DGKD: variants seen among roughly 807,000 people sequenced by gnomAD.
DGKD encodes DAG kinase delta.
Under a neutral mutation model 154.4 loss-of-function variants are expected in DGKD, and 68 were observed. The observed-to-expected ratio is 0.44, with a 90% confidence interval of 0.36 to 0.54. The LOEUF (loss-of-function observed/expected upper bound fraction) is 0.54. Among genes scored for constraint, DGKD ranks in the 20% least tolerant of loss-of-function variants. The pLI is 0.00. For synonymous variants in DGKD, 693 were observed against 638.0 expected, an observed-to-expected ratio of 1.09 and a Z score of -1.30; for missense variants, 1,343 against 1,593.6, an observed-to-expected ratio of 0.84 and a Z score of 2.68.
chr2:233,361,323 G>A (rs975466926), intron 1 of DGKD, among the ~76,000 whole-genome samples: 1 of 152,186 alleles, frequency 6.6e-6, no homozygotes, highest in South Asian at 2.1e-4. Context: ...GTGTACTAGT[G>A]TCTCTAGATT....
rs1209460271 is a variant in DGKD, at chr2:233,458,228, C to T, written c.2581-56C>T. On this transcript the variant is annotated intron_variant, in intron 21 of 29. Transcript: ENST00000264057. This position sits in a 1 kb window ranked among gnomAD's most constrained non-coding sequence, Gnocchi z 6.6. The stretch of plus-strand genomic sequence containing the variant: ...CAGAGGGAGGGAGTGAGGGTAGGGG[C>T]GGCCTGTGCTCGGGGATGTGTGGAG... 1.1e-5 allele frequency: 13 copies of T among 1,192,058 alleles called. No individual in the cohort carries two copies. Among genetic ancestry groups the T allele is most frequent in the South Asian group, 3.9e-5 (3 of 76,424 alleles). 73.8% of individuals were successfully genotyped at this position (1,192,058 alleles called of 1,614,324 possible).
At position 233,450,920 on chromosome 2, in the gene DGKD, A is replaced by G. The variant is rs1256972878; in HGVS notation, c.2039-2A>G. On this transcript the variant is annotated splice_acceptor_variant, in intron 16 of 29. Transcript: ENST00000264057. LOFTEE classifies it high-confidence loss of function. ...GTAAGGTTTTCTGCTGTGTTGTTAC[A>G]GTGTCGAAATCTCCGTGTGAAAAGC... The G allele has an allele frequency of 1.3e-6, 2 of 1,597,500 alleles. No homozygotes were observed. The highest frequency in any genetic ancestry group is 1.7e-5 in the Admixed American group (1 of 59,770).
intron 1 of DGKD, among the ~76,000 whole-genome samples, chr2:233,384,632 C>A (rs115434616): frequency 6.6e-6 from 1 of 152,110 alleles, no homozygotes; most frequent in African/African-American, 2.4e-5. Flanking sequence ...TCGCCTCGGT[C>A]GATTCTCACA....
chr2:233,425,115 A>G (rs2062248959), intron 3 of DGKD, among the ~76,000 whole-genome samples: 1 of 152,148 alleles, frequency 6.6e-6, no homozygotes, highest in South Asian at 2.1e-4. Context: ...AGAAGCCAAA[A>G]TTGTTCTTTC....
intron 1 of DGKD, among the ~76,000 whole-genome samples, chr2:233,375,286 G>T (rs757089616): frequency 1.3e-5 from 2 of 151,766 alleles, no homozygotes; most frequent in African/African-American, 2.4e-5. Context: ...ATGAGACTCT[G>T]TCTCAAAAAA....
intron 3 of DGKD, among the ~76,000 whole-genome samples, chr2:233,421,763 C>T (rs1023463255): frequency 4.6e-5 from 7 of 152,250 alleles, no homozygotes; most frequent in African/African-American, 1.2e-4. Flanking sequence ...TCACCAGCTA[C>T]TACTCTCCAT....
intron 1 of DGKD, among the ~76,000 whole-genome samples, chr2:233,369,408 A>G (rs550009781): frequency 3.3e-5 from 5 of 152,230 alleles, no homozygotes; most frequent in East Asian, 3.9e-4. Context: ...ATTTCAACCT[A>G]TTCTCATTTT....
intron 8 of DGKD, among the ~76,000 whole-genome samples, chr2:233,437,938 G>T (rs1480903200): frequency 6.6e-6 from 1 of 152,216 alleles, no homozygotes; most frequent in African/African-American, 2.4e-5. Flanking sequence ...GTGGAAAGGG[G>T]GATGTGGGGT....
At chr2:233,369,968 G>A (rs1012986196) in intron 1 of DGKD, among the ~76,000 whole-genome samples, 1 of 152,166 alleles carries the variant, frequency 6.6e-6, no homozygotes, top group Non-Finnish European at 1.5e-5. Context: ...AATGATGGAA[G>A]AGGGACACTC....
At chr2:233,389,813 AC>A (rs1015525141) in intron 2 of DGKD, among the ~76,000 whole-genome samples, 3 of 151,954 alleles carry the variant, frequency 2.0e-5, no homozygotes, top group Non-Finnish European at 2.9e-5. Flanking sequence ...CCCAGGCCTG[AC>A]TCCCAGCCCT....
chr2:233,421,277 G>C (rs568604411), intron 3 of DGKD, among the ~76,000 whole-genome samples: 1 of 152,080 alleles, frequency 6.6e-6, no homozygotes, highest in Non-Finnish European at 1.5e-5. Context: ...CCAGCTGCTC[G>C]GAGGTCACTG....
Position 233,457,331 on chromosome 2 carries a change from A to T in DGKD, c.2580+3A>T. Reference sequence around the variant, plus strand: ...GGGGGGGTACCAAGGAAGATGATGTATGTATGGGGTGTGAGCGGGTGGGCC... The same window carrying T: ...GGGGGGGTACCAAGGAAGATGATGTTTGTATGGGGTGTGAGCGGGTGGGCC... On this transcript the variant is annotated splice_donor_region_variant and intron_variant, in intron 21 of 29. Transcript: ENST00000264057. This position sits in a 1 kb window ranked among gnomAD's most constrained non-coding sequence, Gnocchi z 5.5. 6.4e-7 allele frequency: 1 copy of T among 1,555,194 alleles called. No individual in the cohort carries two copies.
In DGKD at chr2:233,457,936, C is replaced by T. The variant is rs768075353; in HGVS notation, c.2581-348C>T. 1.8e-5 allele frequency: 6 copies of T among 337,994 alleles called. No homozygotes were observed. Among genetic ancestry groups the T allele is most frequent in the East Asian group, 6.2e-5 (1 of 16,208 alleles). The allele number at this position is 337,994 out of a possible 1,614,324, so 20.9% of individuals were successfully genotyped here. On this transcript the variant is annotated intron_variant, in intron 21 of 29. Coordinates refer to ENST00000264057, the MANE Select transcript of DGKD (RefSeq NM_152879.3). The surrounding 1 kb of genome is among the most constrained non-coding windows in gnomAD (Gnocchi z 5.5). ...CGTAATAGCGAATAGAAGTATTCAGCGCTTCCTGCACACGTGGTGTGTGCT... is the reference window on the plus strand; with the variant it reads ...CGTAATAGCGAATAGAAGTATTCAGTGCTTCCTGCACACGTGGTGTGTGCT...
In DGKD at chr2:233,452,862, C is replaced by T. The variant is rs906152143; in HGVS notation, c.2264+802C>T. Among the ~76,000 whole-genome samples, 7 of 152,100 alleles carry T rather than the reference C, an allele frequency of 4.6e-5. No individual in the cohort carries two copies. Among genetic ancestry groups the T allele is most frequent in the East Asian group, 3.9e-4 (2 of 5,192 alleles). On this transcript the variant is annotated intron_variant, in intron 18 of 29. Transcript: ENST00000264057. The surrounding 1 kb of genome is among the most constrained non-coding windows in gnomAD (Gnocchi z 4.0). ...GCCAGCCATTTTTCTGGAGTGGTGA[C>T]GGACAGTGACAGGAAGAAATGTGCG...
chr2:233,380,820 T>G (rs570856772), intron 1 of DGKD, among the ~76,000 whole-genome samples: 1 of 152,212 alleles, frequency 6.6e-6, no homozygotes, highest in South Asian at 2.1e-4. Flanking sequence ...TCGTTGCCAC[T>G]TTTTGGCTTT....
intron 3 of DGKD, among the ~76,000 whole-genome samples, chr2:233,395,860 C>T (rs566078919): frequency 3.9e-5 from 6 of 151,976 alleles, no homozygotes; most frequent in Non-Finnish European, 8.8e-5. Context: ...TTATGCTAGA[C>T]CTGTTTGTAG....
rs1158500270 is a variant in DGKD, at chr2:233,441,664, TG to T, written c.1086-221del. On this transcript the variant is annotated intron_variant, in intron 9 of 29. Coordinates refer to ENST00000264057, the MANE Select transcript of DGKD (RefSeq NM_152879.3). The surrounding 1 kb of genome is among the most constrained non-coding windows in gnomAD (Gnocchi z 5.6). ...GTCTTGTCGCTGGGTGGGGCGTGGC[TG>T]GTGGGAGCAGTTGGCTGGACCCCAG... Among the ~76,000 whole-genome samples, 1 of 151,826 alleles carries T rather than the reference TG, an allele frequency of 6.6e-6. No individual in the cohort carries two copies. Among genetic ancestry groups the T allele is most frequent in the Non-Finnish European group, 1.5e-5 (1 of 67,882 alleles).
At chr2:233,395,674 T>A (rs190125773) in intron 3 of DGKD, among the ~76,000 whole-genome samples, 1,522 of 150,494 alleles carry the variant, frequency 0.01, 93 homozygotes, top group Admixed American at 0.076. Flanking sequence ...TTTTTTTTTT[T>A]AATTTAAATT....
At chr2:233,395,171 GTTTA>G (rs888061398) in intron 3 of DGKD, among the ~76,000 whole-genome samples, 16 of 118,588 alleles carry the variant, frequency 1.3e-4, no homozygotes, top group East Asian at 5.3e-4. Context: ...TTGTTTGTTT[GTTTA>G]TTTATTTATT....
Sources: allele counts gnomAD v4.1 joint callset (sites outside exome capture counted in the v4.1 genomes callset), GRCh38; gene constraint gnomAD v4.1.1; non-coding constraint Gnocchi (gnomAD v3.1); transcripts MANE v1.5; gene names NCBI Gene and HGNC (gene_info 2026-07-23, HGNC 2026-07-21).